The following NFIX variants were observed in gnomAD, a reference collection of about 807,000 sequenced individuals.
NFIX encodes nuclear factor 1 X-type.
Under a neutral mutation model 53.3 loss-of-function variants are expected in NFIX, and 2 were observed. That is an observed-to-expected ratio of 0.04 (90% CI 0.02 to 0.12). The LOEUF is 0.12. Among genes scored for constraint, NFIX ranks in the 10% least tolerant of loss-of-function variants. NFIX has a pLI of 1.00. For synonymous variants in NFIX, 244 were observed against 289.0 expected (o/e 0.84, Z 1.58); for missense variants, 310 against 674.5 (o/e 0.46, Z 5.99).
At chr19:12,999,055 C>T (rs2011575825) in intron 1 of NFIX, among the ~76,000 whole-genome samples, 2 of 152,158 alleles carry the variant, frequency 1.3e-5, no homozygotes, top group South Asian at 4.1e-4. Context: ...TGTGTGTTCA[C>T]CCCCACACAT....
intron 1 of NFIX, chr19:13,024,141 C>G (rs2013136384): frequency 1.3e-6 from 1 of 758,934 alleles, no homozygotes. Context: ...CCAAACAAAA[C>G]CGAGAGAGCC....
intron 2 of NFIX, among the ~76,000 whole-genome samples, chr19:13,071,571 C>T (rs1301319095): frequency 6.6e-6 from 1 of 152,164 alleles, no homozygotes; most frequent in Non-Finnish European, 1.5e-5. Context: ...TATATCCTTC[C>T]ATATTAAAAG....
Position 13,027,932 on chromosome 19 carries a change from T to C in NFIX, c.559+2380T>C, listed in dbSNP as rs1202529872. ...CCAGATAATTTCAGTGAAGGTAGGA[T>C]TTTTCTCACTGGAATTGCTTTAGTT... On this transcript the variant is annotated intron_variant, in intron 2 of 10. Coordinates refer to ENST00000592199, the MANE Select transcript of NFIX (RefSeq NM_001365902.3). The surrounding 1 kb of genome is among the most constrained non-coding windows in gnomAD (Gnocchi z 4.3). Among the ~76,000 whole-genome samples, 1 of 152,172 alleles carries C rather than the reference T, an allele frequency of 6.6e-6. No homozygotes were observed. Among genetic ancestry groups the C allele is most frequent in the African/African-American group, 2.4e-5 (1 of 41,434 alleles).
rs1247046244 is a variant in NFIX at position 13,067,227 on chromosome 19, G to C, written c.560-5820G>C. On this transcript the variant is annotated intron_variant, in intron 2 of 10. Transcript: ENST00000592199. The surrounding 1 kb of genome is among the most constrained non-coding windows in gnomAD (Gnocchi z 4.2). Reference sequence around the variant, plus strand: ...GCCCTTCAGAGGATGGGGTGTTGCAGCTGCCCAGAGGCACCCCCAGAACAG... The same window carrying C: ...GCCCTTCAGAGGATGGGGTGTTGCACCTGCCCAGAGGCACCCCCAGAACAG... Among the ~76,000 whole-genome samples, 1 of 152,164 alleles carries C rather than the reference G, an allele frequency of 6.6e-6. No homozygotes were observed. The highest frequency in any genetic ancestry group is 1.5e-5 in the Non-Finnish European group (1 of 68,026).
intron 2 of NFIX, among the ~76,000 whole-genome samples, chr19:13,030,813 C>T (rs542835076): frequency 6.6e-6 from 1 of 152,234 alleles, no homozygotes; most frequent in Non-Finnish European, 1.5e-5. Flanking sequence ...CAGCTACATA[C>T]TGTGCAGGGC....
chr19:13,090,691 T>G lies in NFIX; in HGVS notation c.1494+301T>G, dbSNP rs1222371967. 6.6e-6 allele frequency among the ~76,000 whole-genome samples: 1 copy of G among 152,196 alleles called. No individual in the cohort carries two copies. Among genetic ancestry groups the G allele is most frequent in the Non-Finnish European group, 1.5e-5 (1 of 68,030 alleles). On this transcript the variant is annotated intron_variant, in intron 10 of 10. Transcript: ENST00000592199. This position sits in a 1 kb window ranked among gnomAD's most constrained non-coding sequence, Gnocchi z 6.6. ...GGGCCAGGCCTGGTAGAAGCAAAGA[T>G]GGAAGCCTGAGGCCCATCGGGAGGA...
Position 13,093,749 on chromosome 19 carries a change from C to T in NFIX, c.1495-886C>T, listed in dbSNP as rs889796626. ...CCCAAGATGCATTTTCAGGGACCCT[C>T]ATTTTGCCCCAACGGTACTACCAGG... On this transcript the variant is annotated intron_variant, in intron 10 of 10. Transcript: ENST00000592199. The surrounding 1 kb of genome is among the most constrained non-coding windows in gnomAD (Gnocchi z 4.7). Among the ~76,000 whole-genome samples the T allele has an allele frequency of 1.3e-5, 2 of 152,160 alleles. No individual in the cohort carries two copies. Among genetic ancestry groups the T allele is most frequent in the African/African-American group, 4.8e-5 (2 of 41,426 alleles).
At chr19:13,008,301 T>G (rs1195466413) in intron 1 of NFIX, among the ~76,000 whole-genome samples, 4 of 152,204 alleles carry the variant, frequency 2.6e-5, no homozygotes, top group Admixed American at 1.3e-4. Flanking sequence ...CCTGGGTTTT[T>G]TCATCCCCCT....
intron 2 of NFIX, among the ~76,000 whole-genome samples, chr19:13,056,604 G>T (rs771272934): frequency 2.0e-5 from 3 of 152,176 alleles, no homozygotes; most frequent in Non-Finnish European, 4.4e-5. Context: ...GGACCCTCTT[G>T]CCTGTCCTTC....
chr19:13,037,969 C>T lies in NFIX; in HGVS notation c.559+12417C>T, dbSNP rs1196595188. 1.3e-5 allele frequency among the ~76,000 whole-genome samples: 2 copies of T among 152,292 alleles called. No homozygotes were observed. The highest frequency in any genetic ancestry group is 4.8e-5 in the African/African-American group (2 of 41,564). On this transcript the variant is annotated intron_variant, in intron 2 of 10. Transcript: ENST00000592199. This position sits in a 1 kb window ranked among gnomAD's most constrained non-coding sequence, Gnocchi z 4.2. ...GCAGACCCTGCTGTGCGTGGTCTCTCCTCAGGACGCCTCTTGCCTCTGCTA... is the reference window on the plus strand; with the variant it reads ...GCAGACCCTGCTGTGCGTGGTCTCTTCTCAGGACGCCTCTTGCCTCTGCTA...
chr19:13,073,819 C>T lies in NFIX; in HGVS notation c.698-87C>T. On this transcript the variant is annotated intron_variant, in intron 4 of 10. Transcript: ENST00000592199. The surrounding 1 kb of genome is among the most constrained non-coding windows in gnomAD (Gnocchi z 4.5). ...GGCCCCACAGTAAACTCACCCTGGG[C>T]TTCTGGGAAGCTGTTCATGACAAAG... 1.9e-6 allele frequency: 3 copies of T among 1,569,344 alleles called. No homozygotes were observed. Among genetic ancestry groups the T allele is most frequent in the Admixed American group, 3.5e-5 (2 of 57,516 alleles).
chr19:13,086,963 G>C (rs1568330402), intron 8 of NFIX, among the ~76,000 whole-genome samples: 1 of 152,226 alleles, frequency 6.6e-6, no homozygotes. Flanking sequence ...TCGCATCCGG[G>C]TGCCCGGAAG....
chr19:12,999,798 C>T (rs1169101412), intron 1 of NFIX, among the ~76,000 whole-genome samples: 1 of 152,252 alleles, frequency 6.6e-6, no homozygotes, highest in Non-Finnish European at 1.5e-5. Flanking sequence ...GTCACTCTGG[C>T]CACCCCTCTG....
At position 13,078,350 on chromosome 19, in the gene NFIX, GCA is replaced by G. The variant is rs1191878926; in HGVS notation, c.956-257_956-256del. 1.3e-5 allele frequency among the ~76,000 whole-genome samples: 2 copies of G among 152,166 alleles called. No individual in the cohort carries two copies. The highest frequency in any genetic ancestry group is 2.9e-5 in the Non-Finnish European group (2 of 68,020). On this transcript the variant is annotated intron_variant, in intron 6 of 10. Coordinates refer to ENST00000592199, the MANE Select transcript of NFIX (RefSeq NM_001365902.3). The surrounding 1 kb of genome is among the most constrained non-coding windows in gnomAD (Gnocchi z 4.7). ...GGGGCCCTTGCTCACCCCCTGCCTG[GCA>G]CACACCACCCCACATTACCCAGGGG...
chr19:13,037,861 A>C lies in NFIX; in HGVS notation c.559+12309A>C, dbSNP rs1484730649. ...GTGGGAAGAGTCTACTGCATATGAC[A>C]GTCCCCCAGGAACAAAGAATCATCT... On this transcript the variant is annotated intron_variant, in intron 2 of 10. Coordinates refer to ENST00000592199, the MANE Select transcript of NFIX (RefSeq NM_001365902.3). This position sits in a 1 kb window ranked among gnomAD's most constrained non-coding sequence, Gnocchi z 4.2. Among the ~76,000 whole-genome samples the C allele has an allele frequency of 3.3e-5, 5 of 152,158 alleles. No individual in the cohort carries two copies. The highest frequency in any genetic ancestry group is 5.9e-5 in the Non-Finnish European group (4 of 68,032).
intron 2 of NFIX, among the ~76,000 whole-genome samples, chr19:13,031,367 A>G (rs1347770214): frequency 6.6e-6 from 1 of 152,140 alleles, no homozygotes; most frequent in African/African-American, 2.4e-5. Context: ...GGGCATGGTG[A>G]CCAGCCGTGC....
At position 13,022,520 on chromosome 19, in the gene NFIX, T is replaced by G. The variant is rs1035873039; in HGVS notation, c.28-2501T>G. Among the ~76,000 whole-genome samples, 1 of 151,838 alleles carries G rather than the reference T, an allele frequency of 6.6e-6. No individual in the cohort carries two copies. The highest frequency in any genetic ancestry group is 1.5e-5 in the Non-Finnish European group (1 of 67,972). ...GAGCTCTCTTTCTTCTTATTTCTAT[T>G]CATAGCACCGCAGGCCCGTGTGTAT... On this transcript the variant is annotated intron_variant, in intron 1 of 10. Transcript: ENST00000592199. The surrounding 1 kb of genome is among the most constrained non-coding windows in gnomAD (Gnocchi z 4.5).
At chr19:13,091,702 G>A (rs1599883981) in intron 10 of NFIX, among the ~76,000 whole-genome samples, 1 of 152,196 alleles carries the variant, frequency 6.6e-6, no homozygotes, top group Non-Finnish European at 1.5e-5. Flanking sequence ...GCGGGAGGGG[G>A]TGCGAGAGGA....
At chr19:13,061,941 G>A (rs1339985868) in intron 2 of NFIX, among the ~76,000 whole-genome samples, 1 of 152,090 alleles carries the variant, frequency 6.6e-6, no homozygotes, top group Non-Finnish European at 1.5e-5. Flanking sequence ...CTGATTCCAG[G>A]CCCAGGGCTC....
Sources: gnomAD v4.1 joint callset for allele counts (sites outside exome capture counted in the v4.1 genomes callset) on GRCh38, gnomAD v4.1.1 for gene constraint, Gnocchi (gnomAD v3.1) non-coding constraint, MANE v1.5 for transcripts, NCBI Gene and HGNC (gene_info 2026-07-23, HGNC 2026-07-21) for gene names.